Variants in FAM107B observed in about 807,000 individuals in gnomAD.
FAM107B encodes the protein protein FAM107B.
FAM107B carries 21 observed loss-of-function variants against 31.5 expected under a neutral mutation model. The ratio of observed to expected loss-of-function variants is 0.67; its 90% CI spans 0.47 to 0.96. FAM107B has a LOEUF of 0.96. Among genes scored for constraint, FAM107B ranks in the 40% least tolerant of loss-of-function variants. The probability of loss-of-function intolerance (pLI) is 0.00; values close to 1 mark genes in which losing one functional copy is unlikely to be tolerated. For missense variants in FAM107B, 452 were observed against 377.1 expected, an observed-to-expected ratio of 1.20 and a Z score of -1.64; for synonymous variants, 157 against 141.5, an observed-to-expected ratio of 1.11 and a Z score of -0.78.
rs1268495047 is a variant in FAM107B, at chr10:14,521,962, T to C, written c.711A>G (p.Arg237=). The C allele has an allele frequency of 6.2e-7, 1 of 1,614,106 alleles. No homozygotes were observed. Among genetic ancestry groups the C allele is most frequent in the Non-Finnish European group, 8.5e-7 (1 of 1,180,046 alleles). The change falls in exon 4 of 5, where the codon CGA becomes CGG. Residue 237 remains arginine (R), a synonymous_variant. Transcript: ENST00000181796. The part of the protein sequence containing the change: ...ELQKVMEKRK[R]DQVIKQKEEE... ...CTTCCTTCTGCTTTATTACTTGGTC[T>C]CGTTTTCTTTTTTCCATCACCTTCT...
chr10:14,651,017 A>T lies in FAM107B; in HGVS notation c.469+16617T>A, dbSNP rs115874729. On this transcript the variant is annotated intron_variant, in intron 2 of 4. Transcript: ENST00000181796. ...GTCACCAAAAATGATACTCTTCCTA[A>T]TAAGCAATGCTTTATTGGCCTCTTT... 1.7e-3 allele frequency among the ~76,000 whole-genome samples: 257 copies of T among 152,274 alleles called. 1 individual carries two copies. The highest frequency in any genetic ancestry group is 6.8e-3 in the Middle Eastern group (2 of 294).
chr10:14,677,084 GC>G (rs1854701338), intron 1 of FAM107B, among the ~76,000 whole-genome samples: 1 of 152,020 alleles, frequency 6.6e-6, no homozygotes, highest in African/African-American at 2.4e-5. Flanking sequence ...GCCCAATCCT[GC>G]CCCTTTCCCT....
intron 2 of FAM107B, among the ~76,000 whole-genome samples, chr10:14,620,510 A>AT (rs1852982019): frequency 6.6e-6 from 1 of 151,062 alleles, no homozygotes; most frequent in Non-Finnish European, 1.5e-5. Flanking sequence ...AATAACGCTG[A>AT]TTTTTTTCAA....
Position 14,774,846 on chromosome 10 carries a change from G to A in FAM107B, c.-183C>T. On this transcript the variant is annotated 5_prime_UTR_variant, in exon 1 of 5. Transcript: ENST00000181796. ...CTTCCCTGAGAGTCACTTAGCCGCTGGGGCCCCTTTGAAAGTGTCCATCCT... is the reference window on the plus strand; with the variant it reads ...CTTCCCTGAGAGTCACTTAGCCGCTAGGGCCCCTTTGAAAGTGTCCATCCT... 2 of 662,538 alleles carry A rather than the reference G, an allele frequency of 3.0e-6. No homozygotes were observed. The highest frequency in any genetic ancestry group is 5.0e-6 in the Non-Finnish European group (2 of 398,164). The allele number at this position is 662,538 out of a possible 1,614,324, so 41.0% of individuals were successfully genotyped here. A position where few individuals can be genotyped will look rare whatever the true frequency, so the allele number is the denominator to read the frequency against.
chr10:14,746,150 T>C (rs1323758768), intron 1 of FAM107B, among the ~76,000 whole-genome samples: 3 of 152,200 alleles, frequency 2.0e-5, no homozygotes, highest in Non-Finnish European at 4.4e-5. Flanking sequence ...ATTTGCTTGA[T>C]AAATTTTCCT....
chr10:14,603,807 C>T (rs1273904522), intron 2 of FAM107B, among the ~76,000 whole-genome samples: 1 of 151,760 alleles, frequency 6.6e-6, no homozygotes, highest in Admixed American at 6.6e-5. Context: ...GTCTGCCTGG[C>T]GGGGGCTGGC....
At position 14,551,376 on chromosome 10, in the gene FAM107B, C is replaced by T. The variant is rs1278434540; in HGVS notation, c.470-20861G>A. On this transcript the variant is annotated intron_variant, in intron 2 of 4. Transcript: ENST00000181796. ...GCCAGGCTGGTCTTAAACTCCTGACCTCAGGTGATCTGCCCGCCTTGGTCT... is the reference window on the plus strand; with the variant it reads ...GCCAGGCTGGTCTTAAACTCCTGACTTCAGGTGATCTGCCCGCCTTGGTCT... 2.6e-5 allele frequency among the ~76,000 whole-genome samples: 4 copies of T among 152,128 alleles called. No individual in the cohort carries two copies. In the East Asian group the frequency reaches 7.7e-4, roughly 29 times the overall value.
At chr10:14,731,436 C>T (rs928966659) in intron 1 of FAM107B, among the ~76,000 whole-genome samples, 21 of 152,094 alleles carry the variant, frequency 1.4e-4, no homozygotes, top group African/African-American at 4.8e-4. Flanking sequence ...GTGGTGGGTG[C>T]CTGCGGTCCC....
intron 2 of FAM107B, among the ~76,000 whole-genome samples, chr10:14,558,500 A>G (rs1381673525): frequency 6.6e-6 from 1 of 152,278 alleles, no homozygotes; most frequent in Non-Finnish European, 1.5e-5. Flanking sequence ...TACAGCCAAA[A>G]GAATGACCAA....
chr10:14,565,535 A>T (rs1850589381), intron 2 of FAM107B, among the ~76,000 whole-genome samples: 1 of 152,210 alleles, frequency 6.6e-6, no homozygotes, highest in Non-Finnish European at 1.5e-5. Flanking sequence ...ATCAGAGAAA[A>T]CAAGGAAATG....
intron 1 of FAM107B, among the ~76,000 whole-genome samples, chr10:14,716,549 G>T (rs1319547148): frequency 6.6e-6 from 1 of 152,212 alleles, no homozygotes; most frequent in African/African-American, 2.4e-5. Flanking sequence ...CAGGCTACTT[G>T]TGAGAAGTGA....
chr10:14,716,017 A>G (rs548842860), intron 1 of FAM107B, among the ~76,000 whole-genome samples: 66 of 152,360 alleles, frequency 4.3e-4, no homozygotes, highest in African/African-American at 1.5e-3. Context: ...GAGTCTCCAG[A>G]GAAATAGATA....
intron 1 of FAM107B, among the ~76,000 whole-genome samples, chr10:14,721,417 CCA>C (rs1378175537): frequency 2.0e-5 from 3 of 152,212 alleles, no homozygotes; most frequent in Non-Finnish European, 4.4e-5. Flanking sequence ...TGAGGAATAG[CCA>C]CACTGTCTTC....
chr10:14,667,326 G>T (rs182622497), intron 2 of FAM107B, among the ~76,000 whole-genome samples: 1 of 152,302 alleles, frequency 6.6e-6, no homozygotes, highest in African/African-American at 2.4e-5. Flanking sequence ...ATACTTCTTA[G>T]TTTAGCGTTA....
intron 1 of FAM107B, among the ~76,000 whole-genome samples, chr10:14,710,062 T>C (rs1452304186): frequency 6.6e-6 from 1 of 152,100 alleles, no homozygotes; most frequent in Non-Finnish European, 1.5e-5. Context: ...GTGACCCCAA[T>C]GTAAACAATA....
chr10:14,684,315 G>T (rs1854920884), intron 1 of FAM107B, among the ~76,000 whole-genome samples: 1 of 151,968 alleles, frequency 6.6e-6, no homozygotes, highest in Admixed American at 6.6e-5. Context: ...AGCCAGGTGT[G>T]GTGGTGCACA....
chr10:14,586,781 G>C (rs1851857871), intron 2 of FAM107B, among the ~76,000 whole-genome samples: 1 of 152,104 alleles, frequency 6.6e-6, no homozygotes. Flanking sequence ...TTTGAGCCCA[G>C]GGTCGCTCCT....
intron 1 of FAM107B, among the ~76,000 whole-genome samples, chr10:14,714,145 A>G (rs1855725745): frequency 1.3e-5 from 2 of 152,232 alleles, no homozygotes; most frequent in South Asian, 2.1e-4. Flanking sequence ...CAATTCACCT[A>G]TATAACAAAC....
chr10:14,677,877 T>C (rs1854728500), intron 1 of FAM107B, among the ~76,000 whole-genome samples: 1 of 152,226 alleles, frequency 6.6e-6, no homozygotes, highest in Non-Finnish European at 1.5e-5. Flanking sequence ...TGGTGCACTC[T>C]AAAGCATTAA....
Sources: allele counts gnomAD v4.1 joint callset (sites outside exome capture counted in the v4.1 genomes callset), GRCh38; gene constraint gnomAD v4.1.1; transcripts MANE v1.5; gene names NCBI Gene and HGNC (gene_info 2026-07-23, HGNC 2026-07-21).